Variants in MGRN1 observed in about 807,000 individuals in gnomAD.
The protein encoded by MGRN1 is E3 ubiquitin-protein ligase MGRN1.
Under a neutral mutation model 69.2 loss-of-function variants are expected in MGRN1, and 29 were observed. That is an observed-to-expected ratio of 0.42 (90% CI 0.31 to 0.57). The LOEUF is 0.57. MGRN1 is among the 20% of genes least tolerant of loss of function. The probability of loss-of-function intolerance (pLI) is 0.15; values close to 1 mark genes in which losing one functional copy is unlikely to be tolerated. For synonymous variants in MGRN1, 470 were observed against 344.2 expected, an observed-to-expected ratio of 1.37 and a Z score of -4.04; for missense variants, 998 against 796.2, an observed-to-expected ratio of 1.25 and a Z score of -3.05.
At chr16:4,687,321 G>A (rs958871291) in intron 16 of MGRN1, 3 of 976,692 alleles carry the variant, frequency 3.1e-6, no homozygotes, top group Non-Finnish European at 2.4e-6. Context: ...AGACCGAGGG[G>A]ATAGATCACT....
At chr16:4,685,171 G>C (rs879517096) in intron 16 of MGRN1, among the ~76,000 whole-genome samples, 2 of 152,258 alleles carry the variant, frequency 1.3e-5, no homozygotes, top group Non-Finnish European at 2.9e-5. Flanking sequence ...AGGTCTTTCA[G>C]AGGATCTCAA....
Position 4,682,838 on chromosome 16 carries a change from G to C in MGRN1, c.1374G>C (p.Pro458=). The C allele has an allele frequency of 6.3e-7, 1 of 1,595,144 alleles. No individual in the cohort carries two copies. The part of the protein sequence containing the change: ...SKAPDSTLRS[P]SSPIHEEDEE... ...CTGTCCCCAGCACCCTACGGTCCCC[G>C]TCTTCCCCCATCCACGAAGAGGATG... Residue 458 remains proline (P), a synonymous_variant, in exon 14 of 17, where the codon CCG becomes CCC. Transcript: ENST00000262370.
intron 1 of MGRN1, among the ~76,000 whole-genome samples, chr16:4,625,926 C>G (rs538409387): frequency 2.0e-5 from 3 of 152,344 alleles, no homozygotes; most frequent in African/African-American, 7.2e-5. Context: ...GGCGTCTCAT[C>G]TGATCTGATG....
At chr16:4,631,076 C>T (rs949544937) in intron 1 of MGRN1, among the ~76,000 whole-genome samples, 6 of 152,206 alleles carry the variant, frequency 3.9e-5, no homozygotes, top group Admixed American at 1.3e-4. Context: ...CCCACCTTGG[C>T]CTTCCAGAGT....
intron 1 of MGRN1, among the ~76,000 whole-genome samples, chr16:4,644,326 T>TTTTTTG (rs2078230049): frequency 7.0e-6 from 1 of 142,930 alleles, no homozygotes; most frequent in African/African-American, 2.8e-5. Flanking sequence ...TTTTTTTTTT[T>TTTTTTG]GATGGAGTTT....
At position 4,674,786 on chromosome 16, in the gene MGRN1, G is replaced by A. The variant is rs372122888; in HGVS notation, c.955+1129G>A. Among the ~76,000 whole-genome samples the A allele has an allele frequency of 4.7e-3, 702 of 148,008 alleles. 41 individuals are homozygous for A. In the East Asian group the frequency reaches 0.12, roughly 25 times the overall value. ...CTCCCGAGTAGCTGGGATTACAGGC[G>A]CCCGCCACCGCGCCCGGCTAATTTT... On this transcript the variant is annotated intron_variant, in intron 10 of 16. Coordinates refer to ENST00000262370, the MANE Select transcript of MGRN1 (RefSeq NM_015246.4).
At position 4,682,814 on chromosome 16, in the gene MGRN1, T is replaced by C; in HGVS notation, c.1359-9T>C. The C allele has an allele frequency of 1.3e-6, 2 of 1,553,234 alleles. No individual in the cohort carries two copies. The highest frequency in any genetic ancestry group is 1.7e-6 in the Non-Finnish European group (2 of 1,143,882). On this transcript the variant is annotated splice_polypyrimidine_tract_variant and intron_variant, in intron 13 of 16. Coordinates refer to ENST00000262370, the MANE Select transcript of MGRN1 (RefSeq NM_015246.4). ...TCTCACCCCTGCCCACCCTCTCCTC[T>C]GTCCCCAGCACCCTACGGTCCCCGT...
intron 1 of MGRN1, among the ~76,000 whole-genome samples, chr16:4,642,673 T>A (rs2141854354): frequency 6.6e-6 from 1 of 152,274 alleles, no homozygotes; most frequent in East Asian, 1.9e-4. Flanking sequence ...TTGGCCAGGC[T>A]GGTCTTCAAC....
At chr16:4,648,426 G>A (rs572778100) in intron 1 of MGRN1, among the ~76,000 whole-genome samples, 2 of 117,532 alleles carry the variant, frequency 1.7e-5, no homozygotes, top group South Asian at 2.9e-4. Context: ...GGCTCTTCCC[G>A]TGGTCACCCG....
At chr16:4,664,835 T>C (rs3890068) in intron 6 of MGRN1, 60 bp downstream of exon 6, 37,307 of 1,592,048 alleles carry the variant, frequency 0.023, 612 homozygotes, top group African/African-American at 0.069. Context: ...GAAGCACGTC[T>C]TGAGGGAGGA....
chr16:4,652,077 C>G (rs1444379758), intron 3 of MGRN1, 26 bp downstream of exon 3: 3 of 1,608,776 alleles, frequency 1.9e-6, no homozygotes, highest in Non-Finnish European at 2.6e-6. Flanking sequence ...CCCTGGGGAC[C>G]CTGTGGCTCT....
intron 1 of MGRN1, among the ~76,000 whole-genome samples, 180 bp downstream of exon 1, chr16:4,625,228 G>A (rs1198759289): frequency 1.3e-5 from 2 of 152,148 alleles, no homozygotes; most frequent in South Asian, 2.1e-4. Context: ...GGGCCCCGGA[G>A]GAACCTGCCC....
intron 15 of MGRN1, 130 bp downstream of exon 15, chr16:4,683,399 C>G: frequency 1.1e-5 from 12 of 1,108,932 alleles, no homozygotes; most frequent in Non-Finnish European, 1.3e-5. Context: ...GCCAAGAGGC[C>G]CCCCTCGGCG....
intron 5 of MGRN1, among the ~76,000 whole-genome samples, chr16:4,661,866 T>G (rs1281586036): frequency 6.6e-6 from 1 of 152,224 alleles, no homozygotes; most frequent in Non-Finnish European, 1.5e-5. Context: ...CAGGGCTTCT[T>G]GTGTGGATGG....
At chr16:4,658,353 G>A (rs1263172499) in intron 5 of MGRN1, among the ~76,000 whole-genome samples, 1 of 150,898 alleles carries the variant, frequency 6.6e-6, no homozygotes, top group Non-Finnish European at 1.5e-5. Context: ...GGCTAACACG[G>A]TGAAACCCCG....
At chr16:4,684,184 G>A (rs532812910) in intron 16 of MGRN1, among the ~76,000 whole-genome samples, 7 of 152,382 alleles carry the variant, frequency 4.6e-5, no homozygotes, top group African/African-American at 1.7e-4. Context: ...TTCCCTCCCT[G>A]GGGCCACATT....
At chr16:4,672,698 A>G (rs997650296) in intron 9 of MGRN1, among the ~76,000 whole-genome samples, 1 of 152,118 alleles carries the variant, frequency 6.6e-6, no homozygotes, top group Non-Finnish European at 1.5e-5. Flanking sequence ...GTAAGATTTT[A>G]TTTATAGAAA....
At chr16:4,639,832 C>T (rs1382512674) in intron 1 of MGRN1, 1 of 152,266 alleles carries the variant, frequency 6.6e-6, no homozygotes, top group Admixed American at 6.5e-5. Flanking sequence ...ATGGGTCAGA[C>T]TTCTCCCTGA....
intron 1 of MGRN1, among the ~76,000 whole-genome samples, chr16:4,630,048 CAAA>C (rs1166734489): frequency 0.079 from 3,424 of 43,564 alleles, 119 homozygotes; most frequent in African/African-American, 0.23. Flanking sequence ...GACACCATCT[CAAA>C]AAAAAAAAAA....
Sources: gnomAD v4.1 joint callset for allele counts (sites outside exome capture counted in the v4.1 genomes callset) on GRCh38, gnomAD v4.1.1 for gene constraint, MANE v1.5 for transcripts, NCBI Gene and HGNC (gene_info 2026-07-23, HGNC 2026-07-21) for gene names.